NEMF: variants seen among roughly 807,000 people sequenced by gnomAD.
NEMF encodes ribosome quality control complex subunit NEMF.
In NEMF, 89 loss-of-function variants were observed where a neutral mutation model predicts 162.2. The observed-to-expected ratio is 0.55, with a 90% CI of 0.46 to 0.65. The LOEUF (loss-of-function observed/expected upper bound fraction) is 0.65. NEMF is among the 30% of genes least tolerant of loss of function. The pLI, the probability that NEMF is intolerant of heterozygous loss-of-function variation, is 0.00. For synonymous variants in NEMF, 421 were observed against 404.5 expected (o/e 1.04, Z -0.49); for missense variants, 1,133 against 1,261.9 (o/e 0.90, Z 1.55).
chr14:49,838,585 G>GT (rs200414717), intron 5 of NEMF, among the ~76,000 whole-genome samples: 4,588 of 129,752 alleles, frequency 0.035, 108 homozygotes, highest in Non-Finnish European at 0.04. Context: ...TTTTTGTTTG[G>GT]TTTTTTTTTT....
intron 2 of NEMF, 25 bp from the exon 3 acceptor site, chr14:49,851,690 T>G: frequency 6.3e-7 from 1 of 1,592,174 alleles, no homozygotes; most frequent in South Asian, 1.1e-5. Context: ...AGTCGAATTT[T>G]TCTTTAGGGT....
intron 3 of NEMF, among the ~76,000 whole-genome samples, chr14:49,849,151 A>T (rs774774190): frequency 2.0e-5 from 3 of 152,212 alleles, no homozygotes; most frequent in Non-Finnish European, 4.4e-5. Context: ...GATTTGATTA[A>T]ACAGTAACCT....
chr14:49,796,068 T>C, intron 25 of NEMF, 124 bp from the exon 26 acceptor site: 2 of 676,014 alleles, frequency 3.0e-6, no homozygotes, highest in South Asian at 3.7e-5. Flanking sequence ...CTTCACTTGA[T>C]AATCACCAAG....
chr14:49,831,185 G>A (rs1295015444), intron 11 of NEMF, 114 bp downstream of exon 11: 1 of 630,638 alleles, frequency 1.6e-6, no homozygotes, highest in African/African-American at 1.9e-5. Flanking sequence ...GCAGGTCAGA[G>A]AGTTCCCATA....
At chr14:49,829,940 G>A (rs1245298513) in intron 11 of NEMF, among the ~76,000 whole-genome samples, 1 of 152,004 alleles carries the variant, frequency 6.6e-6, no homozygotes, top group African/African-American at 2.4e-5. Context: ...ATTACCAAAT[G>A]ACTTTGTATT....
chr14:49,816,102 T>C (rs751500293), intron 16 of NEMF, among the ~76,000 whole-genome samples: 4 of 152,176 alleles, frequency 2.6e-5, no homozygotes, highest in Non-Finnish European at 4.4e-5. Context: ...TCTTTATACA[T>C]AGAAAAGCTA....
chr14:49,800,633 A>G lies in NEMF; in HGVS notation c.2159T>C (p.Leu720Pro), dbSNP rs1437449358. 2.5e-6 allele frequency: 4 copies of G among 1,613,784 alleles called. No individual in the cohort carries two copies. In the African/African-American group the frequency reaches 4.0e-5, roughly 16 times the overall value. The part of the protein sequence containing the change: ...EEHETPVEVE[L>P]MTQVDQEDIT... ...ATCCTCTTGGTCAACCTGAGTCATG[A>G]GTTCTACTTCCACAGGAGTTTCATG... The change falls in exon 23 of 33, where the codon CTC becomes CCC. Residue 720 changes from leucine to proline, a missense_variant. Around this residue, in one of 3 missense-constraint regions of NEMF, gnomAD observed 532 missense variants for 578.6 expected, o/e 0.92. Transcript: ENST00000298310.
At chr14:49,804,888 G>A (rs1891118103) in intron 19 of NEMF, among the ~76,000 whole-genome samples, 1 of 151,712 alleles carries the variant, frequency 6.6e-6, no homozygotes, top group African/African-American at 2.4e-5. Flanking sequence ...AAAGTAGCCA[G>A]GTATGGTGGG....
intron 5 of NEMF, 33 bp from the exon 6 acceptor site, chr14:49,838,239 T>C (rs369084723): frequency 1.9e-6 from 3 of 1,589,382 alleles, no homozygotes; most frequent in Non-Finnish European, 2.6e-6. Context: ...CTCTATCATA[T>C]CTTAAATAAA....
At chr14:49,786,892 T>C (rs1314355711) in intron 28 of NEMF, 142 bp from the exon 29 acceptor site, 1 of 686,004 alleles carries the variant, frequency 1.5e-6, no homozygotes, top group East Asian at 2.7e-5. Context: ...CAAGGTTATA[T>C]TCTTCCTAAG....
chr14:49,803,007 A>G (rs1283792592), intron 20 of NEMF, among the ~76,000 whole-genome samples: 1 of 152,202 alleles, frequency 6.6e-6, no homozygotes, highest in Non-Finnish European at 1.5e-5. Flanking sequence ...TCTTACCCTT[A>G]TAACTAAACT....
rs1228064308 is a variant in NEMF, at chr14:49,799,655, T to A, written c.2396A>T (p.Lys799Ile). Residue 799 changes from lysine (K) to isoleucine (I), a missense_variant, in exon 24 of 33, where the codon AAA becomes ATA. Coordinates refer to ENST00000298310, the MANE Select transcript of NEMF (RefSeq NM_004713.6). Reference sequence around the variant, plus strand: ...GCTTACAGAATTAGAAGATTCCTCTTTTGAAGCCAATTTCTGGATGGACCT... The same window carrying A: ...GCTTACAGAATTAGAAGATTCCTCTATTGAAGCCAATTTCTGGATGGACCT... Reference protein sequence around the residue: ...PQRSIQKLASKEESSNSSDSK... With the variant: ...PQRSIQKLASIEESSNSSDSK... 6.2e-7 allele frequency: 1 copy of A among 1,612,320 alleles called. No individual in the cohort carries two copies. The highest frequency in any genetic ancestry group is 1.3e-5 in the African/African-American group (1 of 74,812).
chr14:49,800,664 C>CT lies in NEMF; in HGVS notation c.2127dup (p.Glu710ArgfsTer4). ...ACTTCCACAGGAGTTTCATGTTCTT[C>CT]TTTATCCTCATCACTGCTCGTGTCA... On this transcript the variant is annotated frameshift_variant, in exon 23 of 33. Transcript: ENST00000298310. LOFTEE classifies it high-confidence loss of function. 1 of 1,613,944 alleles carries CT rather than the reference C, an allele frequency of 6.2e-7. No individual in the cohort carries two copies. Among genetic ancestry groups the CT allele is most frequent in the Non-Finnish European group, 8.5e-7 (1 of 1,179,990 alleles).
intron 3 of NEMF, among the ~76,000 whole-genome samples, chr14:49,851,157 C>T (rs1893754707): frequency 6.6e-6 from 1 of 152,140 alleles, no homozygotes. Context: ...TGAGCCAAGA[C>T]TGTGCCACTG....
rs1354701334 is a variant in NEMF, at chr14:49,828,757, A to T, written c.1283T>A (p.Val428Asp). 7.6e-6 allele frequency: 12 copies of T among 1,572,684 alleles called. No homozygotes were observed. The highest frequency in any genetic ancestry group is 1.0e-5 in the Non-Finnish European group (12 of 1,150,992). The stretch of plus-strand genomic sequence containing the variant: ...TTCAGTTTCATTTTTCTCAACATTG[A>T]CGTCACCATCAACATCATCATCTTC... ...EEEDDDVDGDVNVEKNETEPP... is the reference protein window; with the variant it reads ...EEEDDDVDGDDNVEKNETEPP... Residue 428 changes from valine (V) to aspartate (D), a missense_variant, in exon 14 of 33, where the codon GTC becomes GAC. By Grantham distance (152) the Val-to-Asp change is radical (BLOSUM62 -3). This residue lies in a region of NEMF where 582 missense variants were observed against 631.5 expected (regional missense o/e 0.92). Transcript: ENST00000298310.
At chr14:49,848,553 C>T (rs528843034) in intron 3 of NEMF, among the ~76,000 whole-genome samples, 9 of 152,066 alleles carry the variant, frequency 5.9e-5, no homozygotes, top group East Asian at 5.8e-4. Flanking sequence ...GACTCAAATA[C>T]GGTCTGGGTA....
At chr14:49,844,315 G>A (rs762948903) in intron 4 of NEMF, among the ~76,000 whole-genome samples, 2 of 152,012 alleles carry the variant, frequency 1.3e-5, no homozygotes, top group Non-Finnish European at 1.5e-5. Context: ...TAGGGTTCAC[G>A]CTCCTATAAG....
intron 26 of NEMF, among the ~76,000 whole-genome samples, chr14:49,794,898 T>C (rs1450495675): frequency 1.3e-5 from 2 of 151,934 alleles, no homozygotes; most frequent in Admixed American, 1.3e-4. Flanking sequence ...TTTCTATATT[T>C]AGTAGAGATA....
At chr14:49,811,287 T>C (rs1470935999) in intron 18 of NEMF, among the ~76,000 whole-genome samples, 1 of 152,254 alleles carries the variant, frequency 6.6e-6, no homozygotes, top group Admixed American at 6.5e-5. Context: ...AACTGATTTT[T>C]GTTTACTGAT....
Sources: allele counts gnomAD v4.1 joint callset (sites outside exome capture counted in the v4.1 genomes callset), GRCh38; gene constraint gnomAD v4.1.1; regional missense constraint gnomAD v4.1.1; transcripts MANE v1.5; gene names NCBI Gene and HGNC (gene_info 2026-07-23, HGNC 2026-07-21).